Variants in ASH1L observed in about 807,000 individuals in gnomAD.
The protein encoded by ASH1L is ASH1 like histone lysine methyltransferase, also known as histone-lysine N-methyltransferase ASH1L.
In ASH1L, 23 loss-of-function variants were observed where a neutral mutation model predicts 269.0. The ratio of observed to expected loss-of-function variants is 0.09; its 90% confidence interval spans 0.06 to 0.12. ASH1L has a LOEUF of 0.12. Ranked by LOEUF, ASH1L falls within the 10% of genes least tolerant of loss-of-function variation. The pLI, the probability that ASH1L is intolerant of heterozygous loss-of-function variation, is 1.00. For missense variants in ASH1L, 2,912 were observed against 3,567.8 expected (o/e 0.82, Z 4.68); for synonymous variants, 1,187 against 1,253.5 (o/e 0.95, Z 1.12).
chr1:155,341,867 C>T (rs80187273), intron 25 of ASH1L, 69 bp downstream of exon 25: 76,200 of 1,509,270 alleles, frequency 0.05, 2,218 homozygotes, highest in Middle Eastern at 0.079. Flanking sequence ...TGAAGATTTT[C>T]GCTCAGTGAA....
At chr1:155,547,704 C>T (rs1455713854) in intron 1 of ASH1L, among the ~76,000 whole-genome samples, 1 of 149,676 alleles carries the variant, frequency 6.7e-6, no homozygotes, top group African/African-American at 2.5e-5. Context: ...GCCAGGGCAA[C>T]AAGAGTGAAA....
intron 2 of ASH1L, among the ~76,000 whole-genome samples, chr1:155,492,161 G>A (rs1033539943): frequency 6.7e-6 from 1 of 149,886 alleles, no homozygotes; most frequent in African/African-American, 2.5e-5. Flanking sequence ...TCAGCCTCCC[G>A]AGTCGCTGGG....
At chr1:155,409,440 T>C (rs948155560) in intron 6 of ASH1L, among the ~76,000 whole-genome samples, 2 of 152,170 alleles carry the variant, frequency 1.3e-5, no homozygotes, top group African/African-American at 2.4e-5. Context: ...TATCAACCCA[T>C]GGTTTATGTA....
intron 1 of ASH1L, among the ~76,000 whole-genome samples, chr1:155,531,069 G>A (rs1006056683): frequency 1.3e-5 from 2 of 151,268 alleles, no homozygotes; most frequent in African/African-American, 2.4e-5. Context: ...GAGATGAGAA[G>A]ATCACTTGAG....
At chr1:155,366,285 A>C (rs1655411051) in intron 12 of ASH1L, among the ~76,000 whole-genome samples, 1 of 152,082 alleles carries the variant, frequency 6.6e-6, no homozygotes, top group African/African-American at 2.4e-5. Flanking sequence ...TCAGAAAGTT[A>C]CTCTATATGG....
chr1:155,371,867 T>C (rs1655982127), intron 10 of ASH1L, among the ~76,000 whole-genome samples: 1 of 152,020 alleles, frequency 6.6e-6, no homozygotes, highest in African/African-American at 2.4e-5. Flanking sequence ...CTATTTTTTG[T>C]ATTTTCAGTA....
chr1:155,476,632 A>G (rs1382186358), intron 3 of ASH1L, among the ~76,000 whole-genome samples: 5 of 150,886 alleles, frequency 3.3e-5, no homozygotes, highest in Non-Finnish European at 7.4e-5. Context: ...GCTCACTGCA[A>G]GCTCCACCTC....
chr1:155,462,227 T>C (rs1474846681), intron 3 of ASH1L, among the ~76,000 whole-genome samples: 1 of 152,236 alleles, frequency 6.6e-6, no homozygotes, highest in East Asian at 1.9e-4. Flanking sequence ...AATGGTGTAA[T>C]GGTCTCTGCC....
At chr1:155,563,023 C>T (rs1462567763), upstream of ASH1L, 2 of 458,612 alleles carry the variant, frequency 4.4e-6, no homozygotes, top group Admixed American at 2.3e-5. Flanking sequence ...CGGGGCTTGC[C>T]GTTTGACTGG....
At chr1:155,553,277 G>A (rs1242985902) in intron 1 of ASH1L, among the ~76,000 whole-genome samples, 1 of 152,050 alleles carries the variant, frequency 6.6e-6, no homozygotes, top group African/African-American at 2.4e-5. Context: ...TGCTGAGTGG[G>A]TTACATTCTA....
chr1:155,383,831 A>G (rs999710483), intron 7 of ASH1L, among the ~76,000 whole-genome samples: 1 of 152,188 alleles, frequency 6.6e-6, no homozygotes, highest in Non-Finnish European at 1.5e-5. Context: ...ATAATGAAAA[A>G]GTTCCGGGGA....
intron 25 of ASH1L, 40 bp downstream of exon 25, chr1:155,341,896 T>C (rs1490252117): frequency 6.3e-6 from 10 of 1,586,994 alleles, no homozygotes; most frequent in East Asian, 4.5e-5. Context: ...ATGAACCAGA[T>C]TGTCCTAACA....
intron 2 of ASH1L, among the ~76,000 whole-genome samples, chr1:155,502,292 G>A (rs537537337): frequency 1.3e-5 from 2 of 151,628 alleles, no homozygotes; most frequent in African/African-American, 4.8e-5. Flanking sequence ...GGATAGTCTC[G>A]ATCTCTTGAT....
intron 3 of ASH1L, among the ~76,000 whole-genome samples, chr1:155,463,423 C>T (rs765405057): frequency 2.6e-5 from 4 of 152,102 alleles, no homozygotes; most frequent in Non-Finnish European, 4.4e-5. Flanking sequence ...AATCCAAAAA[C>T]AATTTTATAA....
intron 1 of ASH1L, among the ~76,000 whole-genome samples, chr1:155,537,182 G>A (rs914274638): frequency 6.6e-6 from 1 of 152,170 alleles, no homozygotes; most frequent in African/African-American, 2.4e-5. Context: ...GTTTAAAGCT[G>A]ATAGACTTTA....
Position 155,360,413 on chromosome 1 carries a change from T to C in ASH1L, c.6687-4A>G. The C allele has an allele frequency of 6.3e-7, 1 of 1,579,724 alleles. No homozygotes were observed. The highest frequency in any genetic ancestry group is 8.7e-7 in the Non-Finnish European group (1 of 1,151,012). ...CCGGTATACTCCATTAACAGACCTG[T>C]AAAGAGAGAAAACAGAGTTATAAAG... On this transcript the variant is annotated splice_polypyrimidine_tract_variant and splice_region_variant and intron_variant, in intron 12 of 27. Transcript: ENST00000392403.
chr1:155,519,779 C>T (rs778827691), intron 2 of ASH1L, among the ~76,000 whole-genome samples: 1 of 151,932 alleles, frequency 6.6e-6, no homozygotes, highest in Admixed American at 6.6e-5. Context: ...CTGCCTCAGC[C>T]TCCCAAGGGC....
chr1:155,558,437 C>T (rs1322584429), intron 1 of ASH1L, among the ~76,000 whole-genome samples: 1 of 151,976 alleles, frequency 6.6e-6, no homozygotes, highest in East Asian at 1.9e-4. Context: ...CGCTGTTGCA[C>T]TCTAGGCTGG....
At chr1:155,511,526 T>C (rs914924995) in intron 2 of ASH1L, among the ~76,000 whole-genome samples, 1 of 152,294 alleles carries the variant, frequency 6.6e-6, no homozygotes, top group South Asian at 2.1e-4. Context: ...CAAGACTGTT[T>C]CTTGTTTGTT....
Sources: gnomAD v4.1 joint callset for allele counts (sites outside exome capture counted in the v4.1 genomes callset) on GRCh38, gnomAD v4.1.1 for gene constraint, MANE v1.5 for transcripts, NCBI Gene and HGNC (gene_info 2026-07-23, HGNC 2026-07-21) for gene names.